Variants in KNDC1 observed in about 807,000 individuals in gnomAD.
KNDC1 encodes kinase non-catalytic C-lobe domain-containing protein 1.
A neutral mutation model predicts 172.8 loss-of-function variants in KNDC1; 106 were observed. That is an observed-to-expected ratio of 0.61 (90% confidence interval 0.52 to 0.72). The LOEUF is 0.72. Among genes scored for constraint, KNDC1 ranks in the 30% least tolerant of loss-of-function variants. The pLI, the probability that KNDC1 is intolerant of heterozygous loss-of-function variation, is 0.00. For synonymous variants in KNDC1, 1,083 were observed against 1,062.2 expected, an observed-to-expected ratio of 1.02 and a Z score of -0.38; for missense variants, 2,325 against 2,394.5, an observed-to-expected ratio of 0.97 and a Z score of 0.61.
intron 26 of KNDC1, 27 bp from the exon 27 acceptor site, chr10:133,218,804 G>A (rs762480142): frequency 7.5e-6 from 12 of 1,605,328 alleles, no homozygotes; most frequent in African/African-American, 2.7e-5. Context: ...ACCAGAAGAC[G>A]CTGAATGTGT....
intron 6 of KNDC1, among the ~76,000 whole-genome samples, chr10:133,187,272 C>T (rs991418348): frequency 6.6e-6 from 1 of 152,262 alleles, no homozygotes; most frequent in African/African-American, 2.4e-5. Context: ...TCAGCTGCTC[C>T]TCACGAGGGA....
At chr10:133,201,348 G>A (rs1376153888) in intron 16 of KNDC1, among the ~76,000 whole-genome samples, 153 bp from the exon 17 acceptor site, 1 of 152,228 alleles carries the variant, frequency 6.6e-6, no homozygotes, top group Non-Finnish European at 1.5e-5. Flanking sequence ...TGCACTGGGA[G>A]GCGGCAGCCG....
At chr10:133,204,091 C>T (rs999922412) in intron 17 of KNDC1, among the ~76,000 whole-genome samples, 1 of 152,176 alleles carries the variant, frequency 6.6e-6, no homozygotes, top group African/African-American at 2.4e-5. Flanking sequence ...CGCCGGTGAC[C>T]TCCGGGGGCC....
In KNDC1 at chr10:133,195,832, C is replaced by A; in HGVS notation, c.1734+11C>A. On this transcript the variant is annotated intron_variant, in intron 10 of 29. Coordinates refer to ENST00000304613, the MANE Select transcript of KNDC1 (RefSeq NM_152643.8). Reference sequence around the variant, plus strand: ...GCTGAGGCCATCAAGGTAACCACACCACAGTCATGGCCCCAGCCCAGGGTC... The same window carrying A: ...GCTGAGGCCATCAAGGTAACCACACAACAGTCATGGCCCCAGCCCAGGGTC... 1 of 1,540,282 alleles carries A rather than the reference C, an allele frequency of 6.5e-7. No homozygotes were observed. The highest frequency in any genetic ancestry group is 8.7e-7 in the Non-Finnish European group (1 of 1,143,326).
At chr10:133,214,351 TGCCACATCCACG>T (rs1221077582) in intron 26 of KNDC1, among the ~76,000 whole-genome samples, 1 of 152,126 alleles carries the variant, frequency 6.6e-6, no homozygotes, top group Non-Finnish European at 1.5e-5. Flanking sequence ...CAGCACTGCC[TGCCACATCCACG>T]GCCACATCCA....
intron 5 of KNDC1, among the ~76,000 whole-genome samples, chr10:133,184,269 C>A (rs1329253127): frequency 2.8e-5 from 4 of 144,340 alleles, no homozygotes; most frequent in African/African-American, 1.0e-4. Flanking sequence ...TTACACACAC[C>A]CATGCACACA....
chr10:133,207,898 C>T (rs573399197), intron 20 of KNDC1, among the ~76,000 whole-genome samples: 9 of 152,324 alleles, frequency 5.9e-5, no homozygotes, highest in African/African-American at 1.9e-4. Context: ...GACCCCCGGC[C>T]GCCCCACCAG....
chr10:133,218,566 T>G (rs1394983844), intron 26 of KNDC1, among the ~76,000 whole-genome samples: 1 of 152,206 alleles, frequency 6.6e-6, no homozygotes, highest in African/African-American at 2.4e-5. Context: ...TTTTGAGAAG[T>G]GAGGGTGGAC....
Position 133,224,164 on chromosome 10 carries a change from C to G in KNDC1, c.5019-495C>G, listed in dbSNP as rs1845672959. ...GCGTCTGTCTGTGGCATCAGTGTCC[C>G]CAGGCCTGGCTGAGGGCTCCTGCTC... is the stretch of plus-strand genomic sequence containing the variant. On this transcript the variant is annotated intron_variant, in intron 29 of 29. Coordinates refer to ENST00000304613, the MANE Select transcript of KNDC1 (RefSeq NM_152643.8). This position sits in a 1 kb window ranked among gnomAD's most constrained non-coding sequence, Gnocchi z 5.4. Among the ~76,000 whole-genome samples, 1 of 152,220 alleles carries G rather than the reference C, an allele frequency of 6.6e-6. No homozygotes were observed. Among genetic ancestry groups the G allele is most frequent in the Non-Finnish European group, 1.5e-5 (1 of 68,046 alleles).
intron 17 of KNDC1, among the ~76,000 whole-genome samples, chr10:133,204,332 G>A (rs1280248489): frequency 3.3e-5 from 5 of 152,358 alleles, no homozygotes; most frequent in South Asian, 2.1e-4. Context: ...CATGGCCCAC[G>A]TGACTGAGGA....
At chr10:133,161,103 T>G (rs914574959) in intron 1 of KNDC1, among the ~76,000 whole-genome samples, 4 of 151,982 alleles carry the variant, frequency 2.6e-5, no homozygotes, top group Non-Finnish European at 4.4e-5. Context: ...GGGCTCTGCC[T>G]GCCATCTGCA....
intron 19 of KNDC1, 70 bp downstream of exon 19, chr10:133,207,023 G>T: frequency 6.4e-7 from 1 of 1,551,552 alleles, no homozygotes; most frequent in Non-Finnish European, 8.9e-7. Flanking sequence ...ACTGTTGGAT[G>T]CTGTAAATCT....
At chr10:133,197,505 C>T (rs1854227456) in intron 11 of KNDC1, among the ~76,000 whole-genome samples, 170 bp from the exon 12 acceptor site, 1 of 152,224 alleles carries the variant, frequency 6.6e-6, no homozygotes, top group Non-Finnish European at 1.5e-5. Context: ...CAACGGCTCC[C>T]TCTCCAGGCA....
rs751432367 is a variant in KNDC1, at chr10:133,167,680, G to T, written c.301+101G>T. On this transcript the variant is annotated intron_variant, in intron 2 of 29. Coordinates refer to ENST00000304613, the MANE Select transcript of KNDC1 (RefSeq NM_152643.8). ...GGCTCTGCCGGAGCAGATGCTGGGA[G>T]CATGCCCGGACCCGGGTTTCCTGTG... 1.2e-5 allele frequency: 16 copies of T among 1,297,310 alleles called. No homozygotes were observed. The Admixed American group carries it at 3.3e-4, about 27-fold the overall frequency. The allele number at this position is 1,297,310 out of a possible 1,614,324, so 80.4% of individuals were successfully genotyped here. A position where few individuals can be genotyped will look rare whatever the true frequency, so the allele number is the denominator to read the frequency against.
chr10:133,169,398 T>G (rs1853298150), intron 3 of KNDC1, among the ~76,000 whole-genome samples: 1 of 152,252 alleles, frequency 6.6e-6, no homozygotes, highest in Non-Finnish European at 1.5e-5. Flanking sequence ...AGGTCGAGGC[T>G]GCAGTGAGCG....
chr10:133,182,874 G>C (rs1161693336), intron 3 of KNDC1, among the ~76,000 whole-genome samples: 2 of 150,952 alleles, frequency 1.3e-5, no homozygotes, highest in African/African-American at 4.9e-5. Flanking sequence ...GGTGGCATGG[G>C]CGCAGGCGGC....
chr10:133,196,998 G>T, intron 10 of KNDC1, 60 bp from the exon 11 acceptor site: 2 of 1,365,408 alleles, frequency 1.5e-6, no homozygotes, highest in South Asian at 1.2e-5. Flanking sequence ...CCAGTGACAC[G>T]GGGACGGTGC....
At position 133,210,626 on chromosome 10, in the gene KNDC1, G is replaced by C. The variant is rs1845344717; in HGVS notation, c.3810G>C (p.Glu1270Asp). ...AYLYSSDAFL[E>D]GYVQQFLYTF... Reference sequence around the variant, plus strand: ...CGCCCCACAGTGATGCCTTCCTGGAGGGTTATGTGCAGCAATTCCTCTACA... The same window carrying C: ...CGCCCCACAGTGATGCCTTCCTGGACGGTTATGTGCAGCAATTCCTCTACA... The change falls in exon 21 of 30, where the codon GAG becomes GAC. Residue 1270 changes from glutamate to aspartate, a missense_variant. Coordinates refer to ENST00000304613, the MANE Select transcript of KNDC1 (RefSeq NM_152643.8). 20 of 1,612,952 alleles carry C rather than the reference G, an allele frequency of 1.2e-5. No individual in the cohort carries two copies. The highest frequency in any genetic ancestry group is 1.7e-5 in the Non-Finnish European group (20 of 1,179,230).
intron 20 of KNDC1, 36 bp from the exon 21 acceptor site, chr10:133,210,575 C>A: frequency 7.4e-7 from 1 of 1,347,382 alleles, no homozygotes; most frequent in Non-Finnish European, 1.1e-6. Context: ...GGTGCGGCCA[C>A]CCCACCACCT....
Sources: gnomAD v4.1 joint callset for allele counts (sites outside exome capture counted in the v4.1 genomes callset) on GRCh38, gnomAD v4.1.1 for gene constraint, Gnocchi (gnomAD v3.1) non-coding constraint, MANE v1.5 for transcripts, NCBI Gene and HGNC (gene_info 2026-07-23, HGNC 2026-07-21) for gene names.